The following ZMAT4 variants were observed in gnomAD, a reference collection of about 807,000 sequenced individuals.
The protein encoded by ZMAT4 is zinc finger matrin-type protein 4.
In ZMAT4, 17 loss-of-function variants were observed where a neutral mutation model predicts 28.7. That is an observed-to-expected ratio of 0.59 (90% confidence interval 0.41 to 0.89). ZMAT4 has a LOEUF of 0.89. Among genes scored for constraint, ZMAT4 ranks in the 40% least tolerant of loss-of-function variants. The pLI, the probability that ZMAT4 is intolerant of heterozygous loss-of-function variation, is 0.00. For missense variants in ZMAT4, 240 were observed against 283.8 expected (o/e 0.85, Z 1.11); for synonymous variants, 117 against 109.2 (o/e 1.07, Z -0.44).
At chr8:40,879,521 C>CCTT (rs535291374) in intron 1 of ZMAT4, among the ~76,000 whole-genome samples, 152 of 152,288 alleles carry the variant, frequency 1.0e-3, no homozygotes, top group Admixed American at 3.7e-3. Context: ...CCACACAAAG[C>CCTT]CTTCTGATGG....
At chr8:40,544,427 G>A (rs1181095124) in intron 6 of ZMAT4, among the ~76,000 whole-genome samples, 1 of 152,160 alleles carries the variant, frequency 6.6e-6, no homozygotes, top group African/African-American at 2.4e-5. Context: ...GGATCAGCGT[G>A]TTATTCTGTC....
intron 5 of ZMAT4, among the ~76,000 whole-genome samples, chr8:40,589,938 T>G (rs1234536378): frequency 1.2e-5 from 1 of 84,054 alleles, no homozygotes; most frequent in Non-Finnish European, 2.2e-5. Context: ...CCTCACTCCC[T>G]TCCTTCCTTC....
At chr8:40,752,978 C>G (rs1438033831) in intron 3 of ZMAT4, among the ~76,000 whole-genome samples, 1 of 152,076 alleles carries the variant, frequency 6.6e-6, no homozygotes, top group African/African-American at 2.4e-5. Context: ...CTGCACCTAT[C>G]AACCCGTCAT....
At chr8:40,697,009 G>T (rs1238507025) in intron 4 of ZMAT4, 2 of 405,004 alleles carry the variant, frequency 4.9e-6, no homozygotes, top group South Asian at 1.5e-4. Context: ...GATGCAAGCT[G>T]CTGCATTACT....
rs6994153 is a variant in ZMAT4, at chr8:40,699,025, C to T, written c.193-1624G>A. On this transcript the variant is annotated intron_variant, in intron 3 of 6. Transcript: ENST00000297737. The stretch of plus-strand genomic sequence containing the variant: ...CCATAGAGAAAAAAACAAAATAGTA[C>T]GAATACTTTTAGTTCTGTGTGGAAT... Among the ~76,000 whole-genome samples the T allele has an allele frequency of 2.6e-3, 398 of 152,116 alleles. 2 individuals are homozygous for T. Among genetic ancestry groups the T allele is most frequent in the African/African-American group, 8.6e-3 (356 of 41,490 alleles).
intron 1 of ZMAT4, among the ~76,000 whole-genome samples, chr8:40,835,507 C>A (rs571807512): frequency 6.6e-6 from 1 of 152,340 alleles, no homozygotes; most frequent in African/African-American, 2.4e-5. Context: ...TCTTAACAAG[C>A]TGAACGACTA....
intron 1 of ZMAT4, among the ~76,000 whole-genome samples, chr8:40,846,890 C>A (rs1396027967): frequency 6.6e-6 from 1 of 152,160 alleles, no homozygotes; most frequent in Non-Finnish European, 1.5e-5. Flanking sequence ...AACACACACA[C>A]CCTTCCCAAT....
In ZMAT4 at chr8:40,724,045, A is replaced by G. The variant is rs575758793; in HGVS notation, c.193-26644T>C. Among the ~76,000 whole-genome samples, 65 of 152,226 alleles carry G rather than the reference A, an allele frequency of 4.3e-4. 1 individual carries two copies. The South Asian group carries it at 0.013, about 32-fold the overall frequency. ...AAGATCCAGATAAGCAACTCTGCTT[A>G]GTTTATGTGAGGTTTTTTTTTTCTT... On this transcript the variant is annotated intron_variant, in intron 3 of 6. Coordinates refer to ENST00000297737, the MANE Select transcript of ZMAT4 (RefSeq NM_024645.3).
At chr8:40,741,693 C>T (rs1049464368) in intron 3 of ZMAT4, among the ~76,000 whole-genome samples, 18 of 152,166 alleles carry the variant, frequency 1.2e-4, no homozygotes, top group African/African-American at 4.1e-4. Context: ...AGCCTGGCTA[C>T]ACAGCTCAAA....
chr8:40,674,604 A>T, intron 5 of ZMAT4, 100 bp downstream of exon 5: 10 of 971,042 alleles, frequency 1.0e-5, no homozygotes, highest in Admixed American at 6.6e-5. Flanking sequence ...CTTTTTCCTT[A>T]ATAATTAAAG....
chr8:40,630,770 C>G (rs896367393), intron 5 of ZMAT4, among the ~76,000 whole-genome samples: 1 of 152,152 alleles, frequency 6.6e-6, no homozygotes, highest in African/African-American at 2.4e-5. Flanking sequence ...ACTTTAGTTT[C>G]TAAAGTGTAT....
intron 3 of ZMAT4, among the ~76,000 whole-genome samples, chr8:40,741,550 A>T (rs1179617378): frequency 6.6e-6 from 1 of 152,188 alleles, no homozygotes; most frequent in Non-Finnish European, 1.5e-5. Context: ...ATTTATAAAG[A>T]TTAAAAAGAT....
At chr8:40,886,738 C>T (rs934213974) in intron 1 of ZMAT4, among the ~76,000 whole-genome samples, 2 of 152,024 alleles carry the variant, frequency 1.3e-5, no homozygotes, top group Non-Finnish European at 2.9e-5. Flanking sequence ...ACTCTGCTCC[C>T]TTTTTTTTCC....
intron 6 of ZMAT4, among the ~76,000 whole-genome samples, chr8:40,537,761 C>G (rs182514069): frequency 1.3e-5 from 2 of 152,136 alleles, no homozygotes; most frequent in Non-Finnish European, 1.5e-5. Context: ...CTAGGGAGGT[C>G]GAACATCATC....
chr8:40,786,110 A>G (rs942547462), intron 2 of ZMAT4, among the ~76,000 whole-genome samples: 51 of 152,296 alleles, frequency 3.3e-4, no homozygotes, highest in African/African-American at 1.2e-3. Flanking sequence ...AAGCCAGAAG[A>G]AATTTGTGCC....
intron 5 of ZMAT4, among the ~76,000 whole-genome samples, chr8:40,647,373 T>G (rs1403616103): frequency 6.6e-6 from 1 of 152,202 alleles, no homozygotes; most frequent in African/African-American, 2.4e-5. Context: ...CTGACGGGCT[T>G]AAAACACGGC....
rs1184378387 is a variant in ZMAT4 at position 40,601,445 on chromosome 8, G to A, written c.578-20184C>T. 7.1e-3 allele frequency among the ~76,000 whole-genome samples: 716 copies of A among 100,926 alleles called. 32 individuals are homozygous for A. The highest frequency in any genetic ancestry group is 0.023 in the African/African-American group (512 of 22,168). 66.2% of individuals were successfully genotyped at this position (100,926 alleles called of 152,430 possible). On this transcript the variant is annotated intron_variant, in intron 5 of 6. Coordinates refer to ENST00000297737, the MANE Select transcript of ZMAT4 (RefSeq NM_024645.3). The stretch of plus-strand genomic sequence containing the variant: ...GGAAGGAAGGAAGGAAGGAAGGAAG[G>A]AAGGAAGGAAGGGAGGAAGAAAGGA...
chr8:40,735,030 G>A (rs758297532), intron 3 of ZMAT4, among the ~76,000 whole-genome samples: 3 of 152,184 alleles, frequency 2.0e-5, no homozygotes, highest in Non-Finnish European at 4.4e-5. Flanking sequence ...GCTGGTGTGA[G>A]ACACAGCTGA....
intron 1 of ZMAT4, among the ~76,000 whole-genome samples, chr8:40,874,260 A>T (rs1223489120): frequency 6.6e-6 from 1 of 152,114 alleles, no homozygotes; most frequent in African/African-American, 2.4e-5. Flanking sequence ...TTGCACCCAC[A>T]CTGGCCACAC....
Sources: allele counts gnomAD v4.1 joint callset (sites outside exome capture counted in the v4.1 genomes callset), GRCh38; gene constraint gnomAD v4.1.1; transcripts MANE v1.5; gene names NCBI Gene and HGNC (gene_info 2026-07-23, HGNC 2026-07-21).